The following ST3GAL3 variants were observed in gnomAD, a reference collection of about 807,000 sequenced individuals.
The protein encoded by ST3GAL3 is ST3 beta-galactoside alpha-2,3-sialyltransferase 3.
In ST3GAL3, 21 loss-of-function variants were observed where a neutral mutation model predicts 50.1. That is an observed-to-expected ratio of 0.42 (90% CI 0.30 to 0.60). The LOEUF is 0.60. Among genes scored for constraint, ST3GAL3 ranks in the 20% least tolerant of loss-of-function variants. The pLI is 0.19. For synonymous variants in ST3GAL3, 183 were observed against 190.0 expected (o/e 0.96, Z 0.30); for missense variants, 353 against 489.4 (o/e 0.72, Z 2.63).
intron 2 of ST3GAL3, among the ~76,000 whole-genome samples, chr1:43,751,810 G>T (rs1478299242): frequency 2.6e-5 from 4 of 152,028 alleles, no homozygotes; most frequent in Non-Finnish European, 5.9e-5. Context: ...GGTTGTAATT[G>T]GTTACATTTT....
At chr1:43,801,140 T>A in intron 3 of ST3GAL3, 1 of 381,806 alleles carries the variant, frequency 2.6e-6, no homozygotes, top group East Asian at 7.3e-5. Context: ...CGGCAATTTC[T>A]GATAGAACCA....
At chr1:43,725,417 G>A (rs1232557364) in intron 1 of ST3GAL3, among the ~76,000 whole-genome samples, 1 of 151,942 alleles carries the variant, frequency 6.6e-6, no homozygotes, top group Non-Finnish European at 1.5e-5. Flanking sequence ...GGTCAGACTG[G>A]TCTTGAACTG....
At chr1:43,768,727 A>G (rs1694026504) in intron 2 of ST3GAL3, among the ~76,000 whole-genome samples, 1 of 152,242 alleles carries the variant, frequency 6.6e-6, no homozygotes, top group Admixed American at 6.5e-5. Context: ...AGAATCCTAT[A>G]AACTTTTTAA....
Position 43,922,804 on chromosome 1 carries a change from G to GAA in ST3GAL3, c.1038+1890_1038+1891dup, listed in dbSNP as rs59235536. 6.7e-3 allele frequency among the ~76,000 whole-genome samples: 752 copies of GAA among 111,866 alleles called. 32 individuals carry two copies. The East Asian group carries it at 0.11, about 16-fold the overall frequency. The allele number at this position is 111,866 out of a possible 152,430, so 73.4% of individuals were successfully genotyped here. On this transcript the variant is annotated intron_variant, in intron 11 of 11. Transcript: ENST00000347631. ...GACAGAGCAAGACTGTCTCAAAAAA[G>GAA]AAAAAAAAAAAAAAAGGCCAGGCAT...
intron 9 of ST3GAL3, among the ~76,000 whole-genome samples, chr1:43,917,492 A>G (rs2082066511): frequency 2.4e-5 from 1 of 41,688 alleles, no homozygotes; most frequent in South Asian, 8.5e-4. Context: ...AATATATAAT[A>G]TATATAATAT....
chr1:43,741,468 C>T (rs1252409399), intron 2 of ST3GAL3, among the ~76,000 whole-genome samples: 1 of 152,180 alleles, frequency 6.6e-6, no homozygotes, highest in African/African-American at 2.4e-5. Flanking sequence ...TTATAAAGTA[C>T]ACATTGTTGA....
intron 5 of ST3GAL3, among the ~76,000 whole-genome samples, chr1:43,864,471 GA>G (rs1467583472): frequency 1.3e-5 from 2 of 152,214 alleles, no homozygotes; most frequent in African/African-American, 4.8e-5. Flanking sequence ...AGAATCTAGG[GA>G]AGGGCAGGAA....
intron 2 of ST3GAL3, among the ~76,000 whole-genome samples, chr1:43,776,745 T>C (rs891605918): frequency 6.6e-6 from 1 of 152,196 alleles, no homozygotes; most frequent in African/African-American, 2.4e-5. Flanking sequence ...ATACTTATAA[T>C]GATCAACAGT....
At chr1:43,765,794 C>CGT (rs1284350614) in intron 2 of ST3GAL3, among the ~76,000 whole-genome samples, 1,811 of 146,494 alleles carry the variant, frequency 0.012, 45 homozygotes, top group African/African-American at 0.048. Context: ...TGCGCGCGCG[C>CGT]GCGCGCGTCC....
intron 5 of ST3GAL3, among the ~76,000 whole-genome samples, chr1:43,863,925 C>T (rs747173989): frequency 6.6e-6 from 1 of 152,238 alleles, no homozygotes; most frequent in Non-Finnish European, 1.5e-5. Context: ...CCCTGAACCC[C>T]TAAGCATTCA....
chr1:43,797,140 A>T (rs2058767007), intron 3 of ST3GAL3, among the ~76,000 whole-genome samples: 1 of 152,200 alleles, frequency 6.6e-6, no homozygotes, highest in Non-Finnish European at 1.5e-5. Flanking sequence ...GTTAGCTATG[A>T]TCACACCAGC....
At chr1:43,708,123 C>T (rs1276192171) in intron 1 of ST3GAL3, 1 of 152,304 alleles carries the variant, frequency 6.6e-6, no homozygotes, top group Admixed American at 6.5e-5. Context: ...TAGCGGGGGC[C>T]AGAACTGGGG....
intron 5 of ST3GAL3, among the ~76,000 whole-genome samples, chr1:43,893,615 T>A (rs1039107389): frequency 1.3e-5 from 2 of 152,146 alleles, no homozygotes; most frequent in African/African-American, 2.4e-5. Flanking sequence ...GACTTGCCTG[T>A]TCTTTCACCC....
At position 43,759,065 on chromosome 1, in the gene ST3GAL3, G is replaced by GCGCGCACA. The variant is rs60386464; in HGVS notation, c.118+22686_118+22687insGCGCACAC. Among the ~76,000 whole-genome samples, 449 of 75,432 alleles carry GCGCGCACA rather than the reference G, an allele frequency of 6.0e-3. 2 individuals carry two copies. Among genetic ancestry groups the GCGCGCACA allele is most frequent in the African/African-American group, 0.015 (391 of 25,226 alleles). The allele number at this position is 75,432 out of a possible 152,430, so 49.5% of individuals were successfully genotyped here. ...TCCTAAAAAACAAACAAAAGCGCGC[G>GCGCGCACA]CACACACACACACACACACACACAC... On this transcript the variant is annotated intron_variant, in intron 2 of 11. Coordinates refer to ENST00000347631, the MANE Select transcript of ST3GAL3 (RefSeq NM_006279.5).
intron 1 of ST3GAL3, chr1:43,727,101 C>T (rs1673293280): frequency 1.3e-5 from 2 of 152,132 alleles, no homozygotes; most frequent in South Asian, 4.2e-4. Context: ...TATTATCAGT[C>T]TTTATCTTGA....
At chr1:43,872,268 G>T (rs1390578234) in intron 5 of ST3GAL3, among the ~76,000 whole-genome samples, 1 of 111,886 alleles carries the variant, frequency 8.9e-6, no homozygotes, top group East Asian at 3.4e-4. Context: ...GGGAAGGGGG[G>T]AGGGGCTGTG....
chr1:43,728,866 TAC>T (rs763954486), intron 1 of ST3GAL3, among the ~76,000 whole-genome samples: 5 of 152,082 alleles, frequency 3.3e-5, no homozygotes, highest in Middle Eastern at 3.4e-3. Flanking sequence ...TATGTACATA[TAC>T]ACACACACAC....
intron 2 of ST3GAL3, among the ~76,000 whole-genome samples, chr1:43,746,118 A>T (rs1398753819): frequency 6.6e-6 from 1 of 152,272 alleles, no homozygotes; most frequent in East Asian, 1.9e-4. Flanking sequence ...AAGAAATAAA[A>T]TGGAATACTA....
chr1:43,864,313 A>G (rs1249400813), intron 5 of ST3GAL3, among the ~76,000 whole-genome samples: 1 of 152,212 alleles, frequency 6.6e-6, no homozygotes, highest in Non-Finnish European at 1.5e-5. Context: ...CTGAGTGGGC[A>G]GTGTGGTTAC....
Sources: allele counts gnomAD v4.1 joint callset (sites outside exome capture counted in the v4.1 genomes callset), GRCh38; gene constraint gnomAD v4.1.1; transcripts MANE v1.5; gene names NCBI Gene and HGNC (gene_info 2026-07-23, HGNC 2026-07-21).